The following GRM7 variants were observed in gnomAD, a reference collection of about 807,000 sequenced individuals.
GRM7 encodes the protein metabotropic glutamate receptor 7.
Under a neutral mutation model 84.5 loss-of-function variants are expected in GRM7, and 35 were observed. The ratio of observed to expected loss-of-function variants is 0.41; its 90% CI spans 0.32 to 0.55. The LOEUF (loss-of-function observed/expected upper bound fraction) is 0.55. Among genes scored for constraint, GRM7 ranks in the 20% least tolerant of loss-of-function variants. GRM7 has a pLI of 0.19. For missense variants in GRM7, 1,003 were observed against 1,194.6 expected (o/e 0.84, Z 2.36); for synonymous variants, 487 against 455.1 (o/e 1.07, Z -0.89).
intron 1 of GRM7, among the ~76,000 whole-genome samples, chr3:6,986,107 C>T (rs1391188667): frequency 6.6e-6 from 1 of 152,122 alleles, no homozygotes; most frequent in Non-Finnish European, 1.5e-5. Flanking sequence ...TTCTAGAGAT[C>T]TGCTGTACAA....
chr3:7,537,393 G>A (rs968170212), intron 7 of GRM7, among the ~76,000 whole-genome samples: 1 of 152,186 alleles, frequency 6.6e-6, no homozygotes, highest in African/African-American at 2.4e-5. Flanking sequence ...GTTCTATTAA[G>A]AAGCTGTTTT....
chr3:7,711,823 A>G (rs890667429), intron 9 of GRM7, among the ~76,000 whole-genome samples: 11 of 152,194 alleles, frequency 7.2e-5, no homozygotes, highest in African/African-American at 2.2e-4. Context: ...AGCCACTCCA[A>G]GGTGTTTCAT....
At chr3:7,705,225 G>A (rs1287767626) in intron 9 of GRM7, among the ~76,000 whole-genome samples, 5 of 151,930 alleles carry the variant, frequency 3.3e-5, no homozygotes, top group African/African-American at 1.2e-4. Context: ...AATCAACCAG[G>A]GCACAAAACA....
intron 1 of GRM7, chr3:6,884,235 A>G (rs905882731): frequency 1.3e-5 from 2 of 152,658 alleles, no homozygotes. Context: ...ACTAGATGAC[A>G]TTGCAGGCAG....
chr3:6,911,604 G>A (rs1192353724), intron 1 of GRM7, among the ~76,000 whole-genome samples: 1 of 152,074 alleles, frequency 6.6e-6, no homozygotes, highest in Non-Finnish European at 1.5e-5. Context: ...AAGACAAGTG[G>A]TAGCCACTAG....
chr3:7,366,049 G>A (rs1693877546), intron 4 of GRM7, among the ~76,000 whole-genome samples: 1 of 151,498 alleles, frequency 6.6e-6, no homozygotes, highest in Admixed American at 6.6e-5. Context: ...TCCTACTTTT[G>A]TGGACTGTGA....
intron 1 of GRM7, among the ~76,000 whole-genome samples, chr3:6,911,580 A>T (rs906535784): frequency 6.6e-6 from 1 of 152,126 alleles, no homozygotes; most frequent in Non-Finnish European, 1.5e-5. Flanking sequence ...CATCTCAGTA[A>T]ATGTTTGTAC....
At chr3:7,261,500 A>T (rs752912238) in intron 2 of GRM7, among the ~76,000 whole-genome samples, 1 of 152,028 alleles carries the variant, frequency 6.6e-6, no homozygotes, top group Non-Finnish European at 1.5e-5. Flanking sequence ...TGCATGTGAG[A>T]TGGGTCTCTT....
chr3:7,424,214 C>T (rs1020325736), intron 5 of GRM7, among the ~76,000 whole-genome samples: 5 of 151,944 alleles, frequency 3.3e-5, no homozygotes, highest in African/African-American at 9.7e-5. Flanking sequence ...GGATAGAGGG[C>T]GCTCAACCGG....
chr3:7,168,766 A>T (rs765139911), intron 2 of GRM7, among the ~76,000 whole-genome samples: 4 of 152,242 alleles, frequency 2.6e-5, no homozygotes, highest in Non-Finnish European at 5.9e-5. Context: ...TGCATTCAGC[A>T]TTCAGAAGTG....
chr3:7,049,243 A>G (rs1696910624), intron 1 of GRM7, among the ~76,000 whole-genome samples: 1 of 151,910 alleles, frequency 6.6e-6, no homozygotes, highest in Non-Finnish European at 1.5e-5. Context: ...GCTGCTGATA[A>G]ATACCCAAGA....
At chr3:6,871,676 A>C (rs76197734) in intron 1 of GRM7, among the ~76,000 whole-genome samples, 2,029 of 152,156 alleles carry the variant, frequency 0.013, 44 homozygotes, top group African/African-American at 0.045. Context: ...CTTACAATAA[A>C]AATGCATGAC....
chr3:7,145,714 A>G (rs1694085688), intron 1 of GRM7, among the ~76,000 whole-genome samples: 1 of 152,118 alleles, frequency 6.6e-6, no homozygotes, highest in Non-Finnish European at 1.5e-5. Flanking sequence ...CATGTGGGGT[A>G]GAGGTCAGAG....
chr3:7,060,122 G>T (rs1282220230), intron 1 of GRM7, among the ~76,000 whole-genome samples: 2 of 151,736 alleles, frequency 1.3e-5, no homozygotes, highest in African/African-American at 4.8e-5. Flanking sequence ...CCATCCACTT[G>T]CCCTTTCTTT....
At chr3:7,395,004 C>G (rs1695151397) in intron 4 of GRM7, among the ~76,000 whole-genome samples, 1 of 149,478 alleles carries the variant, frequency 6.7e-6, no homozygotes, top group African/African-American at 2.5e-5. Context: ...CGCCATTGCA[C>G]TCCAGCCTGA....
intron 2 of GRM7, among the ~76,000 whole-genome samples, chr3:7,283,170 TCAGA>T (rs1270440686): frequency 6.6e-6 from 1 of 152,008 alleles, no homozygotes; most frequent in Non-Finnish European, 1.5e-5. Context: ...GGGTCTAGAG[TCAGA>T]CAGTCTAGGT....
At chr3:7,588,725 G>A (rs182905649) in intron 8 of GRM7, among the ~76,000 whole-genome samples, 229 of 152,322 alleles carry the variant, frequency 1.5e-3, no homozygotes, top group Admixed American at 2.4e-3. Flanking sequence ...ACCTGAAGGA[G>A]GAAACTCACA....
intron 1 of GRM7, among the ~76,000 whole-genome samples, chr3:7,072,173 T>G (rs1441415258): frequency 2.0e-5 from 3 of 152,038 alleles, no homozygotes; most frequent in Non-Finnish European, 4.4e-5. Flanking sequence ...CAGCATCTCT[T>G]GTAGGTGAAT....
chr3:7,207,498 C>T (rs551628066), intron 2 of GRM7, among the ~76,000 whole-genome samples: 13 of 152,308 alleles, frequency 8.5e-5, no homozygotes, highest in African/African-American at 2.9e-4. Context: ...CCTTCACATA[C>T]ACTGTCTTAA....
Sources: gnomAD v4.1 joint callset for allele counts (sites outside exome capture counted in the v4.1 genomes callset) on GRCh38, gnomAD v4.1.1 for gene constraint, MANE v1.5 for transcripts, NCBI Gene and HGNC (gene_info 2026-07-23, HGNC 2026-07-21) for gene names.